The following LYRM9 variants were observed in gnomAD, a reference collection of about 807,000 sequenced individuals.
LYRM9 encodes LYR motif containing 9.
A neutral mutation model predicts 12.6 loss-of-function variants in LYRM9; 14 were observed. The ratio of observed to expected loss-of-function variants is 1.11; its 90% CI spans 0.73 to 1.73. LYRM9 has a LOEUF of 1.73. LYRM9 is among the 40% of genes most tolerant of loss of function. The pLI is 0.00. For missense variants in LYRM9, 94 were observed against 95.0 expected (o/e 0.99, Z 0.04); for synonymous variants, 42 against 35.1 (o/e 1.20, Z -0.69).
chr17:27,883,835 TA>T (rs781375467), intron 1 of LYRM9, among the ~76,000 whole-genome samples: 1,234 of 24,152 alleles, frequency 0.051, no homozygotes, highest in East Asian at 0.092. Flanking sequence ...AGCCTTTTTC[TA>T]AAAAAAAAAA....
rs772169473 is a variant in LYRM9 at position 27,882,607 on chromosome 17, T to C, written c.88A>G (p.Lys30Glu). The C allele has an allele frequency of 6.3e-7, 1 of 1,597,294 alleles. No homozygotes were observed. Among genetic ancestry groups the C allele is most frequent in the Non-Finnish European group, 8.5e-7 (1 of 1,172,760 alleles). Residue 30 changes from lysine (K) to glutamate (E), a missense_variant, in exon 2 of 4, where the codon AAG becomes GAG. Coordinates refer to ENST00000379102, the MANE Select transcript of LYRM9 (RefSeq NM_001076680.3). Reference protein sequence around the residue: ...LLRCCQQLPTKGIQQHYKHAV... With the variant: ...LLRCCQQLPTEGIQQHYKHAV... The stretch of plus-strand genomic sequence containing the variant: ...TGCTTGTAATGCTGCTGGATGCCCT[T>C]GGTCGGCAGCTGCTGGCAACAGCGC...
chr17:27,888,777 A>G (rs1010101168), intron 1 of LYRM9, among the ~76,000 whole-genome samples: 7 of 152,194 alleles, frequency 4.6e-5, no homozygotes, highest in African/African-American at 1.2e-4. Context: ...CCTGGCAGGA[A>G]GTCACCCAGC....
intron 2 of LYRM9, among the ~76,000 whole-genome samples, chr17:27,881,657 G>A (rs551023294): frequency 2.0e-5 from 3 of 152,136 alleles, no homozygotes; most frequent in African/African-American, 4.8e-5. Flanking sequence ...TTGCAGACAC[G>A]CTATCCTTAC....
chr17:27,891,440 C>T (rs749207230), intron 1 of LYRM9, among the ~76,000 whole-genome samples: 28 of 152,168 alleles, frequency 1.8e-4, no homozygotes, highest in Non-Finnish European at 3.7e-4. Flanking sequence ...GATGAAATAA[C>T]GCTCCTAGAC....
intron 1 of LYRM9, chr17:27,892,965 G>C (rs1373256070): frequency 6.6e-6 from 1 of 152,624 alleles, no homozygotes; most frequent in East Asian, 1.9e-4. Flanking sequence ...CGGTGGAGGG[G>C]ACATTCTCCT....
intron 2 of LYRM9, 125 bp from the exon 3 acceptor site, chr17:27,880,491 A>G: frequency 3.1e-6 from 2 of 651,832 alleles, no homozygotes; most frequent in Non-Finnish European, 5.4e-6. Flanking sequence ...TTCATCCTCC[A>G]TAGACTGTTA....
intron 3 of LYRM9, 72 bp downstream of exon 3, chr17:27,880,202 C>T (rs2142579594): frequency 8.3e-7 from 1 of 1,204,716 alleles, no homozygotes; most frequent in Non-Finnish European, 1.2e-6. Flanking sequence ...CAGGAGTGGC[C>T]TCTAGTGGTC....
At chr17:27,882,801 G>C in intron 1 of LYRM9, 89 bp from the exon 2 acceptor site, 9 of 1,402,792 alleles carry the variant, frequency 6.4e-6, no homozygotes, top group Non-Finnish European at 7.7e-6. Flanking sequence ...TGGGAAGCAA[G>C]CTTGGTGCAG....
chr17:27,890,326 A>G (rs1273347644), intron 1 of LYRM9, among the ~76,000 whole-genome samples: 1 of 152,078 alleles, frequency 6.6e-6, no homozygotes, highest in Non-Finnish European at 1.5e-5. Flanking sequence ...TTCTCTACAA[A>G]ACCTTGCTCC....
chr17:27,883,355 T>C, intron 1 of LYRM9: 1 of 199,208 alleles, frequency 5.0e-6, no homozygotes, highest in Non-Finnish European at 1.0e-5. Context: ...GCACGTGATT[T>C]CATTTCACTA....
Position 27,879,375 on chromosome 17 carries a change from A to T in LYRM9, c.*98T>A, listed in dbSNP as rs1904958061. On this transcript the variant is annotated 3_prime_UTR_variant, in exon 4 of 4. Transcript: ENST00000379102. ...TCCCCTGATTTCTGGCTTTCAGCCA[A>T]CAAGGCCAATGGCTCTTCCAAACCA... 1 of 1,371,832 alleles carries T rather than the reference A, an allele frequency of 7.3e-7. No individual in the cohort carries two copies. Among genetic ancestry groups the T allele is most frequent in the South Asian group, 1.4e-5 (1 of 70,984 alleles). The allele number at this position is 1,371,832 out of a possible 1,614,324, so 85.0% of individuals were successfully genotyped here.
chr17:27,885,701 CAAAAAAAAAAA>C (rs61615628), intron 1 of LYRM9, among the ~76,000 whole-genome samples: 5 of 29,376 alleles, frequency 1.7e-4, no homozygotes, highest in Non-Finnish European at 2.9e-4. Context: ...AACTCTGTCT[CAAAAAAAAAAA>C]AAAAAAAAAA....
At chr17:27,891,320 G>C (rs1382747744) in intron 1 of LYRM9, among the ~76,000 whole-genome samples, 1 of 152,144 alleles carries the variant, frequency 6.6e-6, no homozygotes, top group Non-Finnish European at 1.5e-5. Flanking sequence ...TCTATCACCT[G>C]CTAGTTCTAG....
intron 2 of LYRM9, among the ~76,000 whole-genome samples, chr17:27,881,719 A>C (rs1244250308): frequency 6.6e-6 from 1 of 152,214 alleles, no homozygotes. Context: ...TCTCTGACAT[A>C]ACCACAGTAA....
At chr17:27,879,724 T>TA in intron 3 of LYRM9, 1 of 553,632 alleles carries the variant, frequency 1.8e-6, no homozygotes, top group Non-Finnish European at 3.2e-6. Context: ...AGGATAGTGA[T>TA]AACTCACTCT....
chr17:27,887,713 GGTGTGTGTGTGTGTGT>G (rs59760752), intron 1 of LYRM9, among the ~76,000 whole-genome samples: 7 of 86,730 alleles, frequency 8.1e-5, no homozygotes, highest in South Asian at 4.0e-4. Context: ...TAGGAGGGAG[GGTGTGTGTGTGTGTGT>G]GTGTGTGTGT....
intron 1 of LYRM9, chr17:27,892,434 G>C (rs1488945756): frequency 2.2e-6 from 1 of 455,886 alleles, no homozygotes; most frequent in Admixed American, 2.4e-5. Context: ...GATGTCAATT[G>C]ATTCCCAAGT....
intron 1 of LYRM9, chr17:27,892,752 A>ATTTAGTCTTTT (rs1905501159): frequency 4.4e-6 from 1 of 224,952 alleles, no homozygotes; most frequent in South Asian, 5.4e-5. Flanking sequence ...AACACACTAA[A>ATTTAGTCTTTT]AGACACTGAA....
chr17:27,892,026 G>T (rs1370789397), intron 1 of LYRM9: 1 of 160,490 alleles, frequency 6.2e-6, no homozygotes, highest in African/African-American at 2.4e-5. Context: ...CAACTGCCCG[G>T]GCTCAAACGA....
Sources: allele counts gnomAD v4.1 joint callset (sites outside exome capture counted in the v4.1 genomes callset), GRCh38; gene constraint gnomAD v4.1.1; transcripts MANE v1.5; gene names NCBI Gene and HGNC (gene_info 2026-07-23, HGNC 2026-07-21).